The following KATNIP variants were observed in gnomAD, a reference collection of about 807,000 sequenced individuals.
KATNIP encodes katanin-interacting protein.
A neutral mutation model predicts 174.0 loss-of-function variants in KATNIP; 126 were observed. That is an observed-to-expected ratio of 0.72 (90% confidence interval 0.63 to 0.84). The LOEUF (loss-of-function observed/expected upper bound fraction) is 0.84. Ranked by LOEUF, KATNIP falls within the 40% of genes least tolerant of loss-of-function variation. KATNIP has a pLI of 0.00. For synonymous variants in KATNIP, 810 were observed against 835.7 expected (o/e 0.97, Z 0.53); for missense variants, 1,958 against 2,109.7 (o/e 0.93, Z 1.41).
chr16:27,731,743 CA>C (rs1208439933), intron 14 of KATNIP, among the ~76,000 whole-genome samples: 1 of 152,050 alleles, frequency 6.6e-6, no homozygotes, highest in African/African-American at 2.4e-5. Flanking sequence ...CTCAGCCTCC[CA>C]AGTAGCTGGG....
At position 27,777,041 on chromosome 16, in the gene KATNIP, T is replaced by A. The variant is rs752042136; in HGVS notation, c.4551+12T>A. ...TGAAGGAGTTTGGCGTAAGTACTTATTAGCTGAGTTTTTTGAGATAATTAT... is the reference window on the plus strand; with the variant it reads ...TGAAGGAGTTTGGCGTAAGTACTTAATAGCTGAGTTTTTTGAGATAATTAT... On this transcript the variant is annotated intron_variant, in intron 25 of 27. Transcript: ENST00000261588. The surrounding 1 kb of genome is among the most constrained non-coding windows in gnomAD (Gnocchi z 4.4). The A allele has an allele frequency of 1.3e-5, 20 of 1,538,438 alleles. No individual in the cohort carries two copies. The highest frequency in any genetic ancestry group is 1.8e-5 in the Non-Finnish European group (20 of 1,115,218).
rs549909936 is a variant in KATNIP at position 27,758,840 on chromosome 16, C to G, written c.3632-2573C>G. On this transcript the variant is annotated intron_variant, in intron 18 of 27. Coordinates refer to ENST00000261588, the MANE Select transcript of KATNIP (RefSeq NM_015202.5). ...ATTTTCTTTCATAGTGTTCATCACT[C>G]TTGGAACTGTTGCCTTTCTTTGTTC... Among the ~76,000 whole-genome samples, 143 of 152,312 alleles carry G rather than the reference C, an allele frequency of 9.4e-4. 1 individual carries two copies. The highest frequency in any genetic ancestry group is 3.4e-3 in the African/African-American group (141 of 41,566).
At chr16:27,565,431 A>T (rs1291722862) in intron 1 of KATNIP, among the ~76,000 whole-genome samples, 2 of 150,056 alleles carry the variant, frequency 1.3e-5, no homozygotes, top group South Asian at 2.1e-4. Context: ...GCGCCACTGC[A>T]CTCCAGCCTG....
intron 5 of KATNIP, among the ~76,000 whole-genome samples, chr16:27,639,703 A>G (rs963263605): frequency 5.9e-5 from 9 of 152,200 alleles, no homozygotes; most frequent in African/African-American, 1.9e-4. Flanking sequence ...ACAAGTAAAA[A>G]TGGGAAGTGT....
rs200901038 is a variant in KATNIP at position 27,740,680 on chromosome 16, G to A, written c.2383G>A (p.Gly795Ser). Residue 795 changes from glycine to serine, a missense_variant, in exon 15 of 28, where the codon GGT becomes AGT. By Grantham distance (56) the Gly-to-Ser change is moderately conservative (BLOSUM62 0). Around this residue, in one of 3 missense-constraint regions of KATNIP, gnomAD observed 1,557 missense variants for 1,617.8 expected, o/e 0.96. Coordinates refer to ENST00000261588, the MANE Select transcript of KATNIP (RefSeq NM_015202.5). ...CAGGCTCCCATCAGACGATGTCATC[G>A]GTGAGGGTCCTGGAGAGACCGAGGC... The part of the protein sequence containing the change: ...KGRLPSDDVI[G>S]EGPGETEARD... The A allele has an allele frequency of 1.2e-5, 20 of 1,614,050 alleles. No individual in the cohort carries two copies. The highest frequency in any genetic ancestry group is 5.3e-5 in the African/African-American group (4 of 74,938).
chr16:27,717,616 G>T (rs1323928579), intron 13 of KATNIP, among the ~76,000 whole-genome samples: 1 of 152,138 alleles, frequency 6.6e-6, no homozygotes, highest in Non-Finnish European at 1.5e-5. Flanking sequence ...AGTCTCCTAG[G>T]AGGGACCCTG....
intron 8 of KATNIP, among the ~76,000 whole-genome samples, chr16:27,692,973 C>T (rs1236564261): frequency 6.6e-6 from 1 of 152,186 alleles, no homozygotes; most frequent in East Asian, 1.9e-4. Context: ...GGTGTTTTGG[C>T]TTCAGCTCCA....
chr16:27,617,609 G>C (rs2076078748), intron 2 of KATNIP, among the ~76,000 whole-genome samples: 1 of 152,248 alleles, frequency 6.6e-6, no homozygotes, highest in Admixed American at 6.5e-5. Flanking sequence ...CCCTTTGGCA[G>C]AAGAGGAGAC....
At chr16:27,564,665 A>C (rs538214337) in intron 1 of KATNIP, among the ~76,000 whole-genome samples, 2 of 152,178 alleles carry the variant, frequency 1.3e-5, no homozygotes, top group East Asian at 3.9e-4. Context: ...CCAAAAAGGA[A>C]GGTAACTTAA....
chr16:27,710,815 T>C (rs1279943071), intron 13 of KATNIP, among the ~76,000 whole-genome samples: 2 of 152,200 alleles, frequency 1.3e-5, no homozygotes, highest in East Asian at 3.8e-4. Context: ...GTTATTGTTA[T>C]TATTATTAAT....
chr16:27,686,384 G>A (rs1373234541), intron 8 of KATNIP, among the ~76,000 whole-genome samples: 3 of 152,152 alleles, frequency 2.0e-5, no homozygotes, highest in African/African-American at 7.2e-5. Flanking sequence ...AGTCTACTTT[G>A]TCTGATATAA....
chr16:27,595,150 C>T (rs1302311902), intron 2 of KATNIP, among the ~76,000 whole-genome samples: 1 of 152,094 alleles, frequency 6.6e-6, no homozygotes, highest in Non-Finnish European at 1.5e-5. Context: ...TTTGGGAGGC[C>T]TAAGTGGGTA....
chr16:27,600,532 A>T (rs1008951959), intron 2 of KATNIP, among the ~76,000 whole-genome samples: 1 of 152,048 alleles, frequency 6.6e-6, no homozygotes, highest in Non-Finnish European at 1.5e-5. Context: ...CCAGCCCAAG[A>T]CAGGCTCCTG....
At chr16:27,601,536 G>A (rs1245168574) in intron 2 of KATNIP, among the ~76,000 whole-genome samples, 1 of 152,056 alleles carries the variant, frequency 6.6e-6, no homozygotes, top group Non-Finnish European at 1.5e-5. Context: ...GGCTGACCTC[G>A]AACTCCTGAG....
intron 6 of KATNIP, among the ~76,000 whole-genome samples, chr16:27,661,941 T>C (rs1221627938): frequency 9.9e-4 from 65 of 65,858 alleles, no homozygotes; most frequent in Middle Eastern, 7.2e-3. Context: ...TATATATATA[T>C]ATATATATAT....
chr16:27,654,008 C>A (rs1040159055), intron 6 of KATNIP, among the ~76,000 whole-genome samples: 1 of 152,158 alleles, frequency 6.6e-6, no homozygotes, highest in African/African-American at 2.4e-5. Flanking sequence ...CGGAGTCTTG[C>A]TCTGTCACCC....
Position 27,681,487 on chromosome 16 carries a change from C to G in KATNIP, c.897C>G (p.Pro299=), listed in dbSNP as rs142539214. The G allele has an allele frequency of 6.2e-7, 1 of 1,614,182 alleles. No homozygotes were observed. Among genetic ancestry groups the G allele is most frequent in the Non-Finnish European group, 8.5e-7 (1 of 1,180,026 alleles). Residue 299 remains proline, a synonymous_variant, in exon 8 of 28, where the codon CCC becomes CCG. Transcript: ENST00000261588. ...CCAAACCTGAGCCAAACCTGACTCC[C>G]CAAGCTCCTGCTGTATTCCCAGACC... The part of the protein sequence containing the change: ...VPTKPEPNLT[P]QAPAVFPDQE...
At chr16:27,612,781 C>T (rs1171997149) in intron 2 of KATNIP, among the ~76,000 whole-genome samples, 5 of 151,550 alleles carry the variant, frequency 3.3e-5, no homozygotes, top group Non-Finnish European at 7.4e-5. Flanking sequence ...AAAAGAAATG[C>T]AGACTTGGGC....
At chr16:27,601,977 C>T (rs571828231) in intron 2 of KATNIP, among the ~76,000 whole-genome samples, 12 of 152,306 alleles carry the variant, frequency 7.9e-5, no homozygotes, top group Admixed American at 7.8e-4. Context: ...CGGAGGGTGG[C>T]TGCCTCTCTC....
Sources: allele counts gnomAD v4.1 joint callset (sites outside exome capture counted in the v4.1 genomes callset), GRCh38; gene constraint gnomAD v4.1.1; regional missense constraint gnomAD v4.1.1; non-coding constraint Gnocchi (gnomAD v3.1); transcripts MANE v1.5; gene names NCBI Gene and HGNC (gene_info 2026-07-23, HGNC 2026-07-21).